The following PDIA2 variants were observed in gnomAD, a reference collection of about 807,000 sequenced individuals.
The protein encoded by PDIA2 is protein disulfide-isomerase A2.
PDIA2 carries 76 observed loss-of-function variants against 51.1 expected under a neutral mutation model. That is an observed-to-expected ratio of 1.49 (90% CI 1.24 to 1.80). The LOEUF (loss-of-function observed/expected upper bound fraction) is 1.80, where lower values mean the gene tolerates loss of function less well. Ranked by LOEUF, PDIA2 falls within the 40% of genes most tolerant of loss-of-function variation. PDIA2 has a pLI of 0.00. For synonymous variants in PDIA2, 429 were observed against 309.9 expected, an observed-to-expected ratio of 1.38 and a Z score of -4.04; for missense variants, 946 against 706.5, an observed-to-expected ratio of 1.34 and a Z score of -3.84.
At position 283,424 on chromosome 16, in the gene PDIA2, TG is replaced by T. The variant is rs909990612; in HGVS notation, c.199+61del. On this transcript the variant is annotated intron_variant, in intron 1 of 10. Transcript: ENST00000219406. The stretch of plus-strand genomic sequence containing the variant: ...CGGCGGGGGACCGGCAGAGCCCACC[TG>T]GGGGCCCCACCCTTTGCCGGCAAAT... 2.3e-5 allele frequency: 34 copies of T among 1,502,730 alleles called. No homozygotes were observed. In the African/African-American group the frequency reaches 3.9e-4, roughly 17 times the overall value. 93.1% of individuals were successfully genotyped at this position (1,502,730 alleles called of 1,614,324 possible).
Position 284,416 on chromosome 16 carries a change from C to T in PDIA2, c.229C>T (p.Leu77=), listed in dbSNP as rs1003087839. Residue 77 remains leucine (L), a synonymous_variant, in exon 2 of 11, where the codon CTG becomes TTG. Coordinates refer to ENST00000219406, the MANE Select transcript of PDIA2 (RefSeq NM_006849.4). ...YAPWCGHCQA[L]APEYSKAAAV... is the part of the protein sequence containing the mutation. ...CCCGTGGTGTGGGCACTGCCAGGCC[C>T]TGGCCCCCGAGTACAGCAAGGCAGC... 6.3e-7 allele frequency: 1 copy of T among 1,575,904 alleles called. No homozygotes were observed. The highest frequency in any genetic ancestry group is 1.3e-5 in the African/African-American group (1 of 74,468).
At chr16:285,891 A>AACCCCAAC (rs1567250741) in intron 7 of PDIA2, among the ~76,000 whole-genome samples, 188 bp downstream of exon 7, 5 of 65,908 alleles carry the variant, frequency 7.6e-5, no homozygotes, top group Middle Eastern at 6.5e-3. Flanking sequence ...CCAACCCCAA[A>AACCCCAAC]CCCGCGGTTC....
intron 10 of PDIA2, 53 bp from the exon 11 acceptor site, chr16:287,016 G>GA: frequency 6.2e-7 from 1 of 1,612,418 alleles, no homozygotes; most frequent in African/African-American, 1.3e-5. Context: ...CAGGGGCGGG[G>GA]GCAGGGGTAG....
chr16:285,681 C>T lies in PDIA2; in HGVS notation c.1097C>T (p.Ala366Val), dbSNP rs773699101. 3.7e-6 allele frequency: 6 copies of T among 1,612,966 alleles called. No homozygotes were observed. The East Asian group carries it at 1.1e-4, about 30-fold the overall frequency. ...GCGTCCATCACTGCTTTCTGCCATG[C>T]AGTCCTCAACGGCCAAGTCAAGGTC... The part of the protein sequence containing the change: ...TAASITAFCH[A>V]VLNGQVKPYL... The change falls in exon 7 of 11, where the codon GCA becomes GTA. Residue 366 changes from alanine (A) to valine (V), a missense_variant. Ala to Val is a moderately conservative substitution (Grantham distance 64, BLOSUM62 0). Coordinates refer to ENST00000219406, the MANE Select transcript of PDIA2 (RefSeq NM_006849.4).
rs118177911 is a variant in PDIA2 at position 286,730 on chromosome 16, C to T, written c.1417C>T (p.Arg473Trp). The change falls in exon 9 of 11, where the codon CGG (arginine) becomes TGG (tryptophan). Residue 473 changes from arginine (R) to tryptophan (W), a missense_variant. Coordinates refer to ENST00000219406, the MANE Select transcript of PDIA2 (RefSeq NM_006849.4). ...TLKYFPAGPG[R>W]KVIEYKSTRD... is the part of the protein sequence containing the mutation. ...CAAGTACTTCCCAGCAGGGCCAGGT[C>T]GGAAGGTATGGCGGACAGGTGGCTG... 101 of 1,612,704 alleles carry T rather than the reference C, an allele frequency of 6.3e-5. No individual in the cohort carries two copies. Among genetic ancestry groups the T allele is most frequent in the Admixed American group, 4.0e-4 (24 of 59,994 alleles).
At chr16:286,298 C>T (rs2141452407) in intron 7 of PDIA2, 55 bp from the exon 8 acceptor site, 1 of 1,445,598 alleles carries the variant, frequency 6.9e-7, no homozygotes, top group East Asian at 2.6e-5. Flanking sequence ...CTGCACAGGA[C>T]CTCCTGAACC....
rs199589252 is a variant in PDIA2 at position 286,898 on chromosome 16, G to A, written c.1486G>A (p.Val496Met). The change falls in exon 10 of 11, where the codon GTG (valine) becomes ATG (methionine). Residue 496 changes from valine to methionine, a missense_variant. Transcript: ENST00000219406. Reference protein sequence around the residue: ...TFSKFLDNGGVLPTEEPPEEP... With the variant: ...TFSKFLDNGGMLPTEEPPEEP... ...CTCCAAGTTCCTGGACAACGGGGGC[G>A]TGCTGCCCACGGAGGAGCCCCCGGA... 8.1e-4 allele frequency: 1,302 copies of A among 1,603,168 alleles called. 15 individuals are homozygous for A. The Middle Eastern group carries it at 9.7e-3, about 12-fold the overall frequency.
At position 285,791 on chromosome 16, in the gene PDIA2, C is replaced by T. The variant is rs890699447; in HGVS notation, c.1119+88C>T. 4.5e-5 allele frequency: 64 copies of T among 1,410,348 alleles called. 1 individual carries two copies. Among genetic ancestry groups the T allele is most frequent in the Non-Finnish European group, 6.0e-5 (62 of 1,035,872 alleles). The allele number at this position is 1,410,348 out of a possible 1,614,324, so 87.4% of individuals were successfully genotyped here. On this transcript the variant is annotated intron_variant, in intron 7 of 10. Coordinates refer to ENST00000219406, the MANE Select transcript of PDIA2 (RefSeq NM_006849.4). ...GGGTGGGAACAGCAGCTCTCAGAGC[C>T]CCCTGCCCCTGCAGGCCCCGCAGAG... is the stretch of plus-strand genomic sequence containing the variant.
Position 284,402 on chromosome 16 carries a change from G to C in PDIA2, c.215G>C (p.Gly72Ala). 1.3e-6 allele frequency: 2 copies of C among 1,564,722 alleles called. No homozygotes were observed. The highest frequency in any genetic ancestry group is 1.9e-5 in the Admixed American group (1 of 53,668). The change falls in exon 2 of 11, where the codon GGG (glycine) becomes GCG (alanine). Residue 72 changes from glycine (G) to alanine (A), a missense_variant. By Grantham distance (60) the Gly-to-Ala change is moderately conservative. Transcript: ENST00000219406. Reference sequence around the variant, plus strand: ...CATCCCCCAGATGCCCCGTGGTGTGGGCACTGCCAGGCCCTGGCCCCCGAG... The same window carrying C: ...CATCCCCCAGATGCCCCGTGGTGTGCGCACTGCCAGGCCCTGGCCCCCGAG... ...LLVEFYAPWCGHCQALAPEYS... is the reference protein window; with the variant it reads ...LLVEFYAPWCAHCQALAPEYS...
intron 1 of PDIA2, 171 bp from the exon 2 acceptor site, chr16:284,216 C>T (rs888137131): frequency 1.0e-5 from 7 of 681,808 alleles, no homozygotes; most frequent in Admixed American, 2.3e-5. Flanking sequence ...CCTTACTGGT[C>T]CCTGTGCTGC....
At position 286,483 on chromosome 16, in the gene PDIA2, G is replaced by A; in HGVS notation, c.1240+10G>A. On this transcript the variant is annotated intron_variant, in intron 8 of 10. Transcript: ENST00000219406. ...GTGTTTGTCAAGTTCTGTGAGTGTTGAGGGAGGCAGGGGTGGTGTGGGCTG... is the reference window on the plus strand; with the variant it reads ...GTGTTTGTCAAGTTCTGTGAGTGTTAAGGGAGGCAGGGGTGGTGTGGGCTG... 1 of 1,613,272 alleles carries A rather than the reference G, an allele frequency of 6.2e-7. No homozygotes were observed. Among genetic ancestry groups the A allele is most frequent in the Non-Finnish European group, 8.5e-7 (1 of 1,179,900 alleles).
At chr16:283,563 A>C (rs1436453139) in intron 1 of PDIA2, among the ~76,000 whole-genome samples, 195 bp downstream of exon 1, 1 of 152,208 alleles carries the variant, frequency 6.6e-6, no homozygotes, top group Non-Finnish European at 1.5e-5. Flanking sequence ...GCAGTGTGGT[A>C]GTACTGGGGG....
At chr16:287,039 G>C in intron 10 of PDIA2, 30 bp from the exon 11 acceptor site, 12 of 1,612,732 alleles carry the variant, frequency 7.4e-6, no homozygotes, top group Non-Finnish European at 9.3e-6. Context: ...TGGGAGCAGA[G>C]CTTCGAGCTG....
At chr16:284,634 C>T (rs1417988907) in intron 2 of PDIA2, 25 bp from the exon 3 acceptor site, 33 of 1,602,910 alleles carry the variant, frequency 2.1e-5, no homozygotes, top group East Asian at 4.5e-5. Context: ...GTGGCCAGGC[C>T]GAGGCTGAGG....
Position 285,305 on chromosome 16 carries a change from A to G in PDIA2, c.796-7A>G. 6.2e-7 allele frequency: 1 copy of G among 1,612,542 alleles called. No homozygotes were observed. Among genetic ancestry groups the G allele is most frequent in the Non-Finnish European group, 8.5e-7 (1 of 1,179,832 alleles). ...CTGTGGAGTCATGAGCACCCTCCCTACTGTAGACGTCTGCCAAGATCTTCG... is the reference window on the plus strand; with the variant it reads ...CTGTGGAGTCATGAGCACCCTCCCTGCTGTAGACGTCTGCCAAGATCTTCG... On this transcript the variant is annotated splice_polypyrimidine_tract_variant and splice_region_variant and intron_variant, in intron 5 of 10. Transcript: ENST00000219406.
At position 285,434 on chromosome 16, in the gene PDIA2, G is replaced by A. The variant is rs575457952; in HGVS notation, c.918G>A (p.Gly306=). The change falls in exon 6 of 11, where the codon GGG becomes GGA. Residue 306 remains glycine (G), a synonymous_variant. Coordinates refer to ENST00000219406, the MANE Select transcript of PDIA2 (RefSeq NM_006849.4). ...GFGEAAPRFR[G]QVLFVVVDVA... is the part of the protein sequence containing the mutation. ...GGGAGGCAGCTCCCCGCTTCCGGGGGCAGGTACTGGGGGGCTGGGGGAAAG... is the reference window on the plus strand; with the variant it reads ...GGGAGGCAGCTCCCCGCTTCCGGGGACAGGTACTGGGGGGCTGGGGGAAAG... 2.0e-5 allele frequency: 32 copies of A among 1,609,492 alleles called. No individual in the cohort carries two copies. The highest frequency in any genetic ancestry group is 5.3e-5 in the African/African-American group (4 of 74,798).
intron 1 of PDIA2, among the ~76,000 whole-genome samples, chr16:283,963 C>A (rs1001040478): frequency 5.3e-5 from 8 of 152,242 alleles, no homozygotes; most frequent in African/African-American, 1.9e-4. Flanking sequence ...CTCCCAGGTT[C>A]AAGCAATTCT....
rs758332519 is a variant in PDIA2 at position 284,800 on chromosome 16, AC to A, written c.540+9del. The A allele has an allele frequency of 6.3e-7, 1 of 1,580,236 alleles. No individual in the cohort carries two copies. Among genetic ancestry groups the A allele is most frequent in the Admixed American group, 1.7e-5 (1 of 57,780 alleles). On this transcript the variant is annotated intron_variant, in intron 3 of 10. Transcript: ENST00000219406. ...GTCATTGGCTTCTTCCAGGTGAGCC[AC>A]TGGGCATGGGGGGCCGGGCCATGAG... is the stretch of plus-strand genomic sequence containing the variant.
intron 5 of PDIA2, 31 bp from the exon 6 acceptor site, chr16:285,281 T>C (rs1459304575): frequency 6.2e-7 from 1 of 1,612,034 alleles, no homozygotes; most frequent in Non-Finnish European, 8.5e-7. Context: ...CTGGGGGTCC[T>C]GTGGAGTCAT....
Sources: allele counts gnomAD v4.1 joint callset (sites outside exome capture counted in the v4.1 genomes callset), GRCh38; gene constraint gnomAD v4.1.1; transcripts MANE v1.5; gene names NCBI Gene and HGNC (gene_info 2026-07-23, HGNC 2026-07-21).